VSNL1: variants seen among roughly 807,000 people sequenced by gnomAD.
VSNL1 encodes visinin like 1, also known as visinin-like protein 1.
A neutral mutation model predicts 20.4 loss-of-function variants in VSNL1; 6 were observed. The ratio of observed to expected loss-of-function variants is 0.29; its 90% CI spans 0.16 to 0.58. The LOEUF is 0.58. Among genes scored for constraint, VSNL1 ranks in the 20% least tolerant of loss-of-function variants. VSNL1 has a pLI of 0.90. For missense variants in VSNL1, 100 were observed against 234.5 expected (o/e 0.43, Z 3.75); for synonymous variants, 93 against 86.4 (o/e 1.08, Z -0.42).
chr2:17,549,110 C>T (rs895333159), intron 1 of VSNL1, among the ~76,000 whole-genome samples: 1 of 152,214 alleles, frequency 6.6e-6, no homozygotes, highest in Non-Finnish European at 1.5e-5. Flanking sequence ...CTTCAGGAGA[C>T]GCCTATGCCT....
rs192191804 is a variant in VSNL1 at position 17,544,991 on chromosome 2, T to C, written c.-6+4073T>C. Among the ~76,000 whole-genome samples the C allele has an allele frequency of 9.9e-5, 15 of 152,284 alleles. No individual in the cohort carries two copies. The East Asian group carries it at 1.4e-3, about 14-fold the overall frequency. On this transcript the variant is annotated intron_variant, in intron 1 of 3. Transcript: ENST00000295156. The stretch of plus-strand genomic sequence containing the variant: ...CCATCCCTCCAATCCATTTTTAAAA[T>C]AGTATCTTCAGGAAATTTTTTTATC...
chr2:17,637,955 T>C (rs938758057), intron 2 of VSNL1, among the ~76,000 whole-genome samples: 13 of 152,278 alleles, frequency 8.5e-5, no homozygotes, highest in Admixed American at 7.8e-4. Context: ...AGCGGTCAAG[T>C]CAAGACTCTC....
At chr2:17,564,561 C>G (rs923985055) in intron 1 of VSNL1, among the ~76,000 whole-genome samples, 1 of 151,966 alleles carries the variant, frequency 6.6e-6, no homozygotes, top group African/African-American at 2.4e-5. Context: ...AGTGTTACTC[C>G]CCTTCCAACT....
At chr2:17,636,986 T>C (rs914279431) in intron 2 of VSNL1, among the ~76,000 whole-genome samples, 1 of 152,152 alleles carries the variant, frequency 6.6e-6, no homozygotes, top group Non-Finnish European at 1.5e-5. Flanking sequence ...AACTGAGGCA[T>C]TGAGAGGAGA....
At chr2:17,615,963 C>T (rs1180441301) in intron 2 of VSNL1, among the ~76,000 whole-genome samples, 1 of 152,210 alleles carries the variant, frequency 6.6e-6, no homozygotes, top group African/African-American at 2.4e-5. Context: ...CAATTATCAT[C>T]TATTTCCTGG....
At chr2:17,553,274 C>G (rs1663590525) in intron 1 of VSNL1, among the ~76,000 whole-genome samples, 1 of 152,184 alleles carries the variant, frequency 6.6e-6, no homozygotes, top group Non-Finnish European at 1.5e-5. Context: ...GAATCTTCCC[C>G]ACTGACATGT....
intron 2 of VSNL1, among the ~76,000 whole-genome samples, chr2:17,647,444 A>T (rs1342742370): frequency 3.3e-5 from 5 of 152,226 alleles, no homozygotes; most frequent in Admixed American, 3.3e-4. Context: ...CACAAGGCAG[A>T]TGAACACATC....
intron 1 of VSNL1, among the ~76,000 whole-genome samples, chr2:17,552,592 T>C (rs1376045464): frequency 1.3e-5 from 2 of 152,212 alleles, no homozygotes; most frequent in African/African-American, 4.8e-5. Flanking sequence ...CTCTCTCTAA[T>C]GGGTTAATTT....
chr2:17,610,059 G>A (rs1056384535), intron 2 of VSNL1, among the ~76,000 whole-genome samples: 6 of 152,194 alleles, frequency 3.9e-5, no homozygotes, highest in African/African-American at 7.2e-5. Flanking sequence ...ATAATGAGCA[G>A]GCCAGCAGGG....
chr2:17,650,600 C>T (rs1478804469), intron 3 of VSNL1, among the ~76,000 whole-genome samples: 1 of 152,222 alleles, frequency 6.6e-6, no homozygotes, highest in East Asian at 1.9e-4. Context: ...GAGCCAGGTG[C>T]TCCATCCTGG....
Position 17,649,877 on chromosome 2 carries a change from C to T in VSNL1, c.378+252C>T, listed in dbSNP as rs1047572428. ...CATTCACTCACTACTGGATCTCCCA[C>T]GAACCTGTCTTACTGTGCACACAGG... is the stretch of plus-strand genomic sequence containing the variant. On this transcript the variant is annotated intron_variant, in intron 3 of 3. Transcript: ENST00000295156. The surrounding 1 kb of genome is among the most constrained non-coding windows in gnomAD (Gnocchi z 6.4). 1.3e-5 allele frequency among the ~76,000 whole-genome samples: 2 copies of T among 152,176 alleles called. No individual in the cohort carries two copies. Among genetic ancestry groups the T allele is most frequent in the South Asian group, 2.1e-4 (1 of 4,830 alleles).
intron 1 of VSNL1, among the ~76,000 whole-genome samples, chr2:17,577,407 T>C (rs1447952231): frequency 6.6e-6 from 1 of 152,228 alleles, no homozygotes; most frequent in Non-Finnish European, 1.5e-5. Flanking sequence ...ATGTCACTTA[T>C]AAATTATATT....
At chr2:17,559,417 A>C (rs572032114) in intron 1 of VSNL1, among the ~76,000 whole-genome samples, 29 of 151,336 alleles carry the variant, frequency 1.9e-4, no homozygotes, top group African/African-American at 6.5e-4. Flanking sequence ...GCAAAAAAAA[A>C]AACAACAACA....
At chr2:17,644,239 G>A (rs557877949) in intron 2 of VSNL1, among the ~76,000 whole-genome samples, 29 of 152,306 alleles carry the variant, frequency 1.9e-4, no homozygotes, top group Non-Finnish European at 3.7e-4. Flanking sequence ...CAGCATCTAA[G>A]GGCACATGAG....
intron 2 of VSNL1, among the ~76,000 whole-genome samples, chr2:17,619,985 G>A (rs1665319544): frequency 6.6e-6 from 1 of 152,138 alleles, no homozygotes; most frequent in African/African-American, 2.4e-5. Flanking sequence ...TAGGGGAAGG[G>A]CACTTGCCCT....
At chr2:17,578,412 T>G (rs966481276) in intron 1 of VSNL1, among the ~76,000 whole-genome samples, 2 of 152,254 alleles carry the variant, frequency 1.3e-5, no homozygotes, top group Admixed American at 6.5e-5. Context: ...GGTTTCAACA[T>G]GGAGGGACAT....
chr2:17,594,041 G>GTATT (rs1232740239), intron 2 of VSNL1, among the ~76,000 whole-genome samples: 6 of 152,224 alleles, frequency 3.9e-5, no homozygotes, highest in Admixed American at 2.6e-4. Context: ...AATGAGAGGG[G>GTATT]TATTGCCTTT....
chr2:17,619,246 AATCAGC>A (rs1665290025), intron 2 of VSNL1, among the ~76,000 whole-genome samples: 2 of 152,192 alleles, frequency 1.3e-5, no homozygotes, highest in Non-Finnish European at 2.9e-5. Context: ...CTGAATCCAG[AATCAGC>A]ATTCTTCCTT....
chr2:17,577,073 G>A (rs901620979), intron 1 of VSNL1, among the ~76,000 whole-genome samples: 8 of 152,314 alleles, frequency 5.3e-5, no homozygotes, highest in South Asian at 2.1e-4. Flanking sequence ...TTACTGTACT[G>A]AGTACTGTAG....
Sources: allele counts gnomAD v4.1 joint callset (sites outside exome capture counted in the v4.1 genomes callset), GRCh38; gene constraint gnomAD v4.1.1; non-coding constraint Gnocchi (gnomAD v3.1); transcripts MANE v1.5; gene names NCBI Gene and HGNC (gene_info 2026-07-23, HGNC 2026-07-21).